Variants in UBR3 observed in about 807,000 individuals in gnomAD.
UBR3 encodes ubiquitin protein ligase E3 component n-recognin 3.
UBR3 carries 85 observed loss-of-function variants against 243.2 expected under a neutral mutation model. The ratio of observed to expected loss-of-function variants is 0.35; its 90% CI spans 0.29 to 0.42. The LOEUF is 0.42. Among genes scored for constraint, UBR3 ranks in the 10% least tolerant of loss-of-function variants. The probability of loss-of-function intolerance (pLI) is 1.00; values close to 1 mark genes in which losing one functional copy is unlikely to be tolerated. For synonymous variants in UBR3, 748 were observed against 799.8 expected, an observed-to-expected ratio of 0.94 and a Z score of 1.09; for missense variants, 1,686 against 2,300.8, an observed-to-expected ratio of 0.73 and a Z score of 5.47.
At chr2:169,920,409 A>G (rs560709929) in intron 11 of UBR3, among the ~76,000 whole-genome samples, 1 of 152,300 alleles carries the variant, frequency 6.6e-6, no homozygotes, top group African/African-American at 2.4e-5. Flanking sequence ...TGGCACATGT[A>G]TACATATGTA....
At chr2:169,854,890 A>G (rs1333674486) in intron 1 of UBR3, among the ~76,000 whole-genome samples, 2 of 152,202 alleles carry the variant, frequency 1.3e-5, no homozygotes, top group African/African-American at 4.8e-5. Flanking sequence ...TAATGCTGGT[A>G]TTAAAATACT....
intron 26 of UBR3, among the ~76,000 whole-genome samples, chr2:169,995,346 G>A (rs1379258882): frequency 2.0e-5 from 3 of 152,000 alleles, no homozygotes; most frequent in Non-Finnish European, 2.9e-5. Context: ...TGGGTAAATC[G>A]TTATCTTGTT....
chr2:169,849,603 A>G (rs1251423294), intron 1 of UBR3, among the ~76,000 whole-genome samples: 2 of 152,156 alleles, frequency 1.3e-5, no homozygotes, highest in Non-Finnish European at 2.9e-5. Flanking sequence ...CCTGATTTTT[A>G]AATTAGGAAC....
chr2:170,016,958 T>G, intron 30 of UBR3: 1 of 515,140 alleles, frequency 1.9e-6, no homozygotes, highest in Non-Finnish European at 2.7e-6. Context: ...AATTTATTAT[T>G]GTTCAGTTAC....
chr2:169,954,365 T>C (rs2087175984), intron 23 of UBR3, among the ~76,000 whole-genome samples: 1 of 151,714 alleles, frequency 6.6e-6, no homozygotes, highest in Non-Finnish European at 1.5e-5. Context: ...CTCAGCCTCC[T>C]GAACAGCTGG....
At chr2:169,852,314 CT>C (rs1265328648) in intron 1 of UBR3, among the ~76,000 whole-genome samples, 1 of 152,196 alleles carries the variant, frequency 6.6e-6, no homozygotes, top group Non-Finnish European at 1.5e-5. Context: ...ATTAGGTAGG[CT>C]TTTGTGTTTT....
At chr2:169,923,545 A>ATTG in intron 11 of UBR3, among the ~76,000 whole-genome samples, 1 of 62,890 alleles carries the variant, frequency 1.6e-5, no homozygotes, top group African/African-American at 5.3e-5. Flanking sequence ...GACTGTTATT[A>ATTG]CTGTCATGAT....
chr2:169,899,507 T>C (rs1355193025), intron 8 of UBR3, among the ~76,000 whole-genome samples: 1 of 152,120 alleles, frequency 6.6e-6, no homozygotes, highest in African/African-American at 2.4e-5. Flanking sequence ...TTTTTTTAAA[T>C]TTTTTTACTT....
intron 35 of UBR3, among the ~76,000 whole-genome samples, chr2:170,066,854 C>T (rs2105451309): frequency 6.6e-6 from 1 of 152,004 alleles, no homozygotes; most frequent in East Asian, 1.9e-4. Context: ...GTCCCAGCTA[C>T]TTGGGAGGCT....
At chr2:169,871,508 C>T (rs1353783505) in intron 1 of UBR3, among the ~76,000 whole-genome samples, 2 of 151,568 alleles carry the variant, frequency 1.3e-5, no homozygotes, top group Non-Finnish European at 2.9e-5. Flanking sequence ...GCTCACGGGG[C>T]CGAGGCGGGC....
At position 170,006,998 on chromosome 2, in the gene UBR3, G is replaced by A. The variant is rs777524302; in HGVS notation, c.4038G>A (p.Gln1346=). ...KSYMESLRND[Q]VLQGFSVDKG... ...TTTATTTCGTCTTTTAGAATGACCA[G>A]GTTCTTCAGGGCTTCTCGGTGGACA... Residue 1346 remains glutamine (Q), a synonymous_variant, in exon 28 of 39, where the codon CAG becomes CAA. Transcript: ENST00000272793. The A allele has an allele frequency of 2.5e-6, 4 of 1,612,902 alleles. No homozygotes were observed. Among genetic ancestry groups the A allele is most frequent in the African/African-American group, 2.7e-5 (2 of 74,660 alleles).
chr2:169,878,447 T>G, intron 4 of UBR3, 78 bp from the exon 5 acceptor site: 1 of 1,382,546 alleles, frequency 7.2e-7, no homozygotes. Context: ...TTTTGATATT[T>G]GTATTTCTCA....
At position 169,939,373 on chromosome 2, in the gene UBR3, C is replaced by T. The variant is rs1369627671; in HGVS notation, c.2664-3120C>T. 5.3e-5 allele frequency among the ~76,000 whole-genome samples: 8 copies of T among 151,788 alleles called. No homozygotes were observed. In the East Asian group the frequency reaches 1.5e-3, roughly 29 times the overall value. On this transcript the variant is annotated intron_variant, in intron 19 of 38. Transcript: ENST00000272793. ...TCCCAGGTTCATGCCATTCTCCTGC[C>T]TCAGCCTCCTGAGTAGCTGGGACTA... is the stretch of plus-strand genomic sequence containing the variant.
intron 24 of UBR3, among the ~76,000 whole-genome samples, chr2:169,985,224 C>CTTTTTTTTTTTTTTTTT (rs71006060): frequency 1.8e-5 from 2 of 113,122 alleles, no homozygotes; most frequent in Non-Finnish European, 1.8e-5. Context: ...CAACTCTTTT[C>CTTTTTTTTTTTTTTTTT]TTTTTTTTTT....
At chr2:169,902,053 G>A (rs570585380) in intron 8 of UBR3, among the ~76,000 whole-genome samples, 1 of 152,292 alleles carries the variant, frequency 6.6e-6, no homozygotes, top group African/African-American at 2.4e-5. Flanking sequence ...ATTATCTTGT[G>A]TGTGTGTGTA....
intron 35 of UBR3, 32 bp downstream of exon 35, chr2:170,061,475 T>C (rs2091455332): frequency 1.0e-5 from 5 of 477,020 alleles, no homozygotes; most frequent in Non-Finnish European, 1.3e-5. Context: ...AGAGGGAGCT[T>C]TTTTTTTTTT....
chr2:169,948,147 T>G (rs879440525), intron 22 of UBR3, among the ~76,000 whole-genome samples: 1 of 151,820 alleles, frequency 6.6e-6, no homozygotes, highest in Admixed American at 6.6e-5. Context: ...AGCTTAAAAA[T>G]AATACTGAGT....
intron 19 of UBR3, among the ~76,000 whole-genome samples, chr2:169,938,280 T>C (rs1046906621): frequency 2.0e-5 from 3 of 152,050 alleles, no homozygotes; most frequent in Admixed American, 1.3e-4. Context: ...TCTCCTTTTT[T>C]TTTTTTTTTG....
chr2:169,994,516 G>A, intron 26 of UBR3, 60 bp downstream of exon 26: 1 of 1,524,054 alleles, frequency 6.6e-7, no homozygotes, highest in African/African-American at 1.4e-5. Context: ...TTTCCCTCCA[G>A]AATTTTACAT....
Sources: allele counts gnomAD v4.1 joint callset (sites outside exome capture counted in the v4.1 genomes callset), GRCh38; gene constraint gnomAD v4.1.1; transcripts MANE v1.5; gene names NCBI Gene and HGNC (gene_info 2026-07-23, HGNC 2026-07-21).